Variants in PTPRD observed in about 807,000 individuals in gnomAD.
PTPRD encodes the protein protein tyrosine phosphatase receptor type D, also known as receptor-type tyrosine-protein phosphatase delta.
Under a neutral mutation model 214.5 loss-of-function variants are expected in PTPRD, and 34 were observed. That is an observed-to-expected ratio of 0.16 (90% confidence interval 0.12 to 0.21). PTPRD has a LOEUF of 0.21. Among genes scored for constraint, PTPRD ranks in the 10% least tolerant of loss-of-function variants. The pLI is 1.00. For synonymous variants in PTPRD, 1,128 were observed against 845.7 expected (o/e 1.33, Z -5.79); for missense variants, 2,545 against 2,398.7 (o/e 1.06, Z -1.27).
intron 14 of PTPRD, among the ~76,000 whole-genome samples, chr9:8,557,350 G>A (rs2084192705): frequency 6.6e-6 from 1 of 151,068 alleles, no homozygotes; most frequent in South Asian, 2.1e-4. Context: ...CTCTGTTATT[G>A]GAAGCAAAAT....
intron 3 of PTPRD, among the ~76,000 whole-genome samples, chr9:10,127,795 C>T (rs2098830946): frequency 1.3e-5 from 2 of 152,066 alleles, no homozygotes; most frequent in African/African-American, 2.4e-5. Context: ...ATCTCCAGTT[C>T]CTCTCTTTCT....
At chr9:9,947,946 T>G (rs1460086901) in intron 4 of PTPRD, among the ~76,000 whole-genome samples, 1 of 151,816 alleles carries the variant, frequency 6.6e-6, no homozygotes, top group Non-Finnish European at 1.5e-5. Flanking sequence ...TTCATTTGTC[T>G]AGAAGTTATC....
At chr9:10,265,727 A>T (rs959331017) in intron 3 of PTPRD, among the ~76,000 whole-genome samples, 8 of 152,176 alleles carry the variant, frequency 5.3e-5, no homozygotes, top group Admixed American at 6.5e-5. Flanking sequence ...AATAGGCAGC[A>T]TCCGGACCTG....
chr9:10,339,800 G>C (rs1450413436), intron 3 of PTPRD, among the ~76,000 whole-genome samples: 3 of 151,540 alleles, frequency 2.0e-5, no homozygotes, highest in African/African-American at 7.3e-5. Context: ...GTACAGATTA[G>C]AACCAACAAA....
At chr9:9,666,777 A>C (rs2096730899) in intron 7 of PTPRD, among the ~76,000 whole-genome samples, 1 of 151,998 alleles carries the variant, frequency 6.6e-6, no homozygotes, top group Non-Finnish European at 1.5e-5. Flanking sequence ...GAAATCTAAA[A>C]CCAAAAATGT....
At chr9:9,120,675 C>T (rs948092500) in intron 10 of PTPRD, among the ~76,000 whole-genome samples, 2 of 152,146 alleles carry the variant, frequency 1.3e-5, no homozygotes, top group South Asian at 2.1e-4. Flanking sequence ...GGTCCCAGCA[C>T]CGGTGAGTCT....
intron 6 of PTPRD, among the ~76,000 whole-genome samples, chr9:9,764,182 A>G (rs1268939448): frequency 1.3e-5 from 2 of 152,182 alleles, no homozygotes; most frequent in Admixed American, 6.5e-5. Flanking sequence ...ATAATTATTT[A>G]TTAATGAGAG....
intron 3 of PTPRD, among the ~76,000 whole-genome samples, chr9:10,035,415 G>T (rs998156307): frequency 3.9e-5 from 6 of 151,958 alleles, no homozygotes; most frequent in African/African-American, 1.2e-4. Flanking sequence ...TTCTTTTGCT[G>T]TGCAGAAGCT....
intron 2 of PTPRD, among the ~76,000 whole-genome samples, chr9:10,385,619 T>C (rs2097901017): frequency 1.3e-5 from 2 of 151,858 alleles, no homozygotes; most frequent in Non-Finnish European, 2.9e-5. Flanking sequence ...TGACTTCCAC[T>C]TAACAGCTGT....
rs539205989 is a variant in PTPRD, at chr9:8,582,576, G to C, written c.352+50741C>G. Among the ~76,000 whole-genome samples, 10 of 152,232 alleles carry C rather than the reference G, an allele frequency of 6.6e-5. No homozygotes were observed. The South Asian group carries it at 1.5e-3, about 22-fold the overall frequency. ...AACAATGATATAATAGGGAAAAAAG[G>C]AAATTAACTGGCAATTTATAGAAGA... is the stretch of plus-strand genomic sequence containing the variant. On this transcript the variant is annotated intron_variant, in intron 14 of 45. Transcript: ENST00000381196.
At chr9:10,482,172 C>G (rs184596322) in intron 2 of PTPRD, among the ~76,000 whole-genome samples, 4 of 151,974 alleles carry the variant, frequency 2.6e-5, no homozygotes, top group Non-Finnish European at 5.9e-5. Flanking sequence ...GAGATTGAGA[C>G]CAGCCCGGCT....
At chr9:10,523,064 G>A (rs1165830191) in intron 2 of PTPRD, among the ~76,000 whole-genome samples, 4 of 151,948 alleles carry the variant, frequency 2.6e-5, no homozygotes, top group Non-Finnish European at 4.4e-5. Flanking sequence ...TTTGTTGGAT[G>A]TATAATTAAT....
At chr9:10,347,954 G>C (rs1340579905) in intron 2 of PTPRD, among the ~76,000 whole-genome samples, 1 of 151,944 alleles carries the variant, frequency 6.6e-6, no homozygotes, top group African/African-American at 2.4e-5. Context: ...CTATTCAGGA[G>C]GCTGAGGCAG....
chr9:10,366,724 C>G (rs566539090), intron 2 of PTPRD, among the ~76,000 whole-genome samples: 2 of 152,216 alleles, frequency 1.3e-5, no homozygotes, highest in East Asian at 3.9e-4. Context: ...AAGCAATTAT[C>G]AAGACACAAC....
chr9:8,788,881 A>G (rs183614966), intron 11 of PTPRD, among the ~76,000 whole-genome samples: 1 of 152,274 alleles, frequency 6.6e-6, no homozygotes, highest in East Asian at 1.9e-4. Flanking sequence ...TACAGGCAAG[A>G]TGTCTTACAT....
At chr9:9,662,336 C>T (rs1274344181) in intron 7 of PTPRD, among the ~76,000 whole-genome samples, 2 of 151,648 alleles carry the variant, frequency 1.3e-5, no homozygotes, top group African/African-American at 4.8e-5. Context: ...AGGTAGTTAA[C>T]TTGGAAAACT....
At chr9:9,407,229 C>T (rs1161736604) in intron 8 of PTPRD, among the ~76,000 whole-genome samples, 1 of 151,646 alleles carries the variant, frequency 6.6e-6, no homozygotes, top group Non-Finnish European at 1.5e-5. Flanking sequence ...GGCTCCATTT[C>T]TGAGCATCGA....
chr9:9,772,985 T>C (rs2098765266), intron 5 of PTPRD, among the ~76,000 whole-genome samples: 1 of 152,184 alleles, frequency 6.6e-6, no homozygotes, highest in Non-Finnish European at 1.5e-5. Flanking sequence ...ATAAGCTAAA[T>C]GCCTTATCAT....
chr9:9,855,356 A>G (rs2061348461), intron 5 of PTPRD, among the ~76,000 whole-genome samples: 1 of 152,196 alleles, frequency 6.6e-6, no homozygotes, highest in South Asian at 2.1e-4. Context: ...AACGCTGAGT[A>G]AAACAAAGGG....
Sources: gnomAD v4.1 joint callset for allele counts (sites outside exome capture counted in the v4.1 genomes callset) on GRCh38, gnomAD v4.1.1 for gene constraint, MANE v1.5 for transcripts, NCBI Gene and HGNC (gene_info 2026-07-23, HGNC 2026-07-21) for gene names.